Variants in KIF21B observed in about 807,000 individuals in gnomAD.
KIF21B encodes kinesin-like protein KIF21B.
A neutral mutation model predicts 192.9 loss-of-function variants in KIF21B; 85 were observed. That is an observed-to-expected ratio of 0.44 (90% CI 0.37 to 0.53). The LOEUF is 0.53. Among genes scored for constraint, KIF21B ranks in the 20% least tolerant of loss-of-function variants. The pLI is 0.00. For synonymous variants in KIF21B, 832 were observed against 884.6 expected (o/e 0.94, Z 1.05); for missense variants, 1,716 against 2,194.8 (o/e 0.78, Z 4.36).
At chr1:200,987,800 G>A (rs1467316837) in intron 24 of KIF21B, among the ~76,000 whole-genome samples, 1 of 152,222 alleles carries the variant, frequency 6.6e-6, no homozygotes, top group Non-Finnish European at 1.5e-5. Flanking sequence ...CCAGTCTGAA[G>A]CTTTTTCCCT....
At chr1:200,973,673 A>C (rs1331797965) in intron 34 of KIF21B, 95 bp from the exon 35 acceptor site, 1 of 1,506,254 alleles carries the variant, frequency 6.6e-7, no homozygotes, top group Non-Finnish European at 8.8e-7. Context: ...GGATTCCCCA[A>C]ACTCCCCAAA....
intron 1 of KIF21B, among the ~76,000 whole-genome samples, chr1:201,021,018 A>C (rs1448806510): frequency 2.0e-5 from 3 of 152,224 alleles, no homozygotes. Context: ...CTGGGGCTGG[A>C]CTAGGCCCTG....
At chr1:200,980,304 G>T (rs576007608) in intron 29 of KIF21B, among the ~76,000 whole-genome samples, 1 of 152,330 alleles carries the variant, frequency 6.6e-6, no homozygotes, top group African/African-American at 2.4e-5. Flanking sequence ...GCCCAGGCTG[G>T]AGTGTAATTG....
intron 27 of KIF21B, among the ~76,000 whole-genome samples, chr1:200,984,218 T>G (rs1294778419): frequency 6.6e-6 from 1 of 152,184 alleles, no homozygotes; most frequent in Non-Finnish European, 1.5e-5. Context: ...CCTGGCTCCC[T>G]CTTTGAGCCT....
At chr1:201,004,702 G>A (rs1400031091) in intron 6 of KIF21B, 64 bp downstream of exon 6, 13 of 1,590,288 alleles carry the variant, frequency 8.2e-6, no homozygotes, top group Non-Finnish European at 1.0e-5. Flanking sequence ...GGACTGCAGG[G>A]CCTTGGAGGG....
chr1:200,980,895 T>C, intron 29 of KIF21B, 65 bp downstream of exon 29: 1 of 1,567,798 alleles, frequency 6.4e-7, no homozygotes, highest in Non-Finnish European at 8.6e-7. Flanking sequence ...CAGACCACTC[T>C]GACAAAGGAA....
In KIF21B at chr1:201,004,897, G is replaced by T. The variant is rs746912144; in HGVS notation, c.769C>A (p.Pro257Thr). ...AGTGTCTCATACTCACTCGAGGGAG[G>T]TGTACCATCAGGAAGCCCAGTCACC... ...EAVTGLPDGT[P>T]PSSEYETLTA... is the part of the protein sequence containing the mutation. Residue 257 changes from proline to threonine, a missense_variant, in exon 6 of 35, where the codon CCT becomes ACT. By Grantham distance (38) the Pro-to-Thr change is conservative. This residue lies in a region of KIF21B where 1,087 missense variants were observed against 1,316.6 expected (regional missense o/e 0.83). Transcript: ENST00000461742. The T allele has an allele frequency of 6.2e-7, 1 of 1,610,946 alleles. No individual in the cohort carries two copies. Among genetic ancestry groups the T allele is most frequent in the Non-Finnish European group, 8.5e-7 (1 of 1,177,378 alleles).
At chr1:201,020,743 C>T (rs1295775357) in intron 1 of KIF21B, among the ~76,000 whole-genome samples, 1 of 151,810 alleles carries the variant, frequency 6.6e-6, no homozygotes, top group East Asian at 1.9e-4. Context: ...AAACAGATTG[C>T]AGGGCCAAGA....
At chr1:201,012,159 T>G in intron 1 of KIF21B, among the ~76,000 whole-genome samples, 1 of 152,174 alleles carries the variant, frequency 6.6e-6, no homozygotes, top group East Asian at 1.9e-4. Context: ...GATGAGGGTC[T>G]TTGTGGTCAG....
At chr1:201,005,024 G>A (rs2102450683) in intron 5 of KIF21B, 91 bp from the exon 6 acceptor site, 6 of 1,417,558 alleles carry the variant, frequency 4.2e-6, no homozygotes, top group Non-Finnish European at 4.9e-6. Flanking sequence ...GAGGCACGGT[G>A]GACGGCCAAG....
chr1:200,977,066 T>A (rs1302240698), intron 31 of KIF21B, 146 bp downstream of exon 31: 5 of 1,072,452 alleles, frequency 4.7e-6, no homozygotes, highest in Non-Finnish European at 6.8e-6. Flanking sequence ...GCAGTCTCAC[T>A]GGAGAGGGCA....
intron 16 of KIF21B, 135 bp from the exon 17 acceptor site, chr1:200,991,860 G>T: frequency 1.1e-6 from 1 of 909,752 alleles, no homozygotes; most frequent in South Asian, 1.6e-5. Context: ...TCTTGATAAA[G>T]TGGGACCCAG....
At chr1:200,983,389 C>T (rs138121340) in intron 27 of KIF21B, among the ~76,000 whole-genome samples, 17 of 152,238 alleles carry the variant, frequency 1.1e-4, no homozygotes, top group African/African-American at 2.6e-4. Context: ...CATGGGGAGA[C>T]GTTTCCAGGG....
Position 201,005,552 on chromosome 1 carries a change from T to C in KIF21B, c.590A>G (p.Gln197Arg). 1 of 1,613,130 alleles carries C rather than the reference T, an allele frequency of 6.2e-7. No homozygotes were observed. The highest frequency in any genetic ancestry group is 8.5e-7 in the Non-Finnish European group (1 of 1,179,328). The change falls in exon 4 of 35, where the codon CAG (glutamine) becomes CGG (arginine). Residue 197 changes from glutamine (Q) to arginine (R), a missense_variant. Gln to Arg is a conservative substitution (Grantham distance 43, BLOSUM62 1). Transcript: ENST00000461742. ...CCTCCAGCAGAGGCTCACCTCCTCC[T>C]GGGAGTGGATGAGGCGAGAAGTGAC... is the stretch of plus-strand genomic sequence containing the variant. ...TGVTSRLIHS[Q>R]EELIQCLKQG...
At position 200,999,587 on chromosome 1, in the gene KIF21B, C is replaced by T. The variant is rs915312304; in HGVS notation, c.1768-121G>A. The T allele has an allele frequency of 2.9e-5, 44 of 1,504,612 alleles. No homozygotes were observed. The African/African-American group carries it at 5.5e-4, about 19-fold the overall frequency. The allele number at this position is 1,504,612 out of a possible 1,614,324, so 93.2% of individuals were successfully genotyped here. A position where few individuals can be genotyped will look rare whatever the true frequency, so the allele number is the denominator to read the frequency against. ...GGGTGGGGATTGGGGCAGGCCACAG[C>T]TGAGCCCCCCTGCCCACCCCCTACT... is the stretch of plus-strand genomic sequence containing the variant. On this transcript the variant is annotated intron_variant, in intron 12 of 34. Coordinates refer to ENST00000461742, the MANE Select transcript of KIF21B (RefSeq NM_001252102.2). This position sits in a 1 kb window ranked among gnomAD's most constrained non-coding sequence, Gnocchi z 4.7.
In KIF21B at chr1:201,005,311, G is replaced by A; in HGVS notation, c.729C>T (p.Asp243=). The A allele has an allele frequency of 6.3e-7, 1 of 1,596,012 alleles. No individual in the cohort carries two copies. Among genetic ancestry groups the A allele is most frequent in the Non-Finnish European group, 8.5e-7 (1 of 1,170,392 alleles). ...LCQMRMCTQP[D]LVNEAVTGLP... ...GGGCCCCCTGCAGGCTCCTCACCAG[G>A]TCGGGCTGGGTGCACATGCGCATCT... The change falls in exon 5 of 35, where the codon GAC becomes GAT. Residue 243 remains aspartate (D), a synonymous_variant. Transcript: ENST00000461742.
At chr1:200,993,154 C>T (rs1204253150) in intron 15 of KIF21B, among the ~76,000 whole-genome samples, 4 of 152,362 alleles carry the variant, frequency 2.6e-5, no homozygotes, top group East Asian at 3.9e-4. Flanking sequence ...ACCATTAGTG[C>T]GGCCGGAGGC....
chr1:201,023,306 T>A lies in KIF21B; in HGVS notation c.41+37A>T. Reference sequence around the variant, plus strand: ...GCCCACGCGAGACAAAGCCCGAGGCTTCTCCGCGCGCCCCCTTCCCCGCCC... The same window carrying A: ...GCCCACGCGAGACAAAGCCCGAGGCATCTCCGCGCGCCCCCTTCCCCGCCC... On this transcript the variant is annotated intron_variant, in intron 1 of 34. Transcript: ENST00000461742. This position sits in a 1 kb window ranked among gnomAD's most constrained non-coding sequence, Gnocchi z 5.9. 1 of 1,509,588 alleles carries A rather than the reference T, an allele frequency of 6.6e-7. No homozygotes were observed. Among genetic ancestry groups the A allele is most frequent in the East Asian group, 2.7e-5 (1 of 37,164 alleles). The allele number at this position is 1,509,588 out of a possible 1,614,324, so 93.5% of individuals were successfully genotyped here.
At chr1:201,007,739 C>G (rs2102459990) in intron 3 of KIF21B, among the ~76,000 whole-genome samples, 1 of 151,860 alleles carries the variant, frequency 6.6e-6, no homozygotes, top group South Asian at 2.1e-4. Context: ...TACACACACA[C>G]ACATACACAG....
Sources: allele counts gnomAD v4.1 joint callset (sites outside exome capture counted in the v4.1 genomes callset), GRCh38; gene constraint gnomAD v4.1.1; regional missense constraint gnomAD v4.1.1; non-coding constraint Gnocchi (gnomAD v3.1); transcripts MANE v1.5; gene names NCBI Gene and HGNC (gene_info 2026-07-23, HGNC 2026-07-21).